The following LHFPL3 variants were observed in gnomAD, a reference collection of about 807,000 sequenced individuals.
The protein encoded by LHFPL3 is LHFPL tetraspan subfamily member 3 protein.
In LHFPL3, 5 loss-of-function variants were observed where a neutral mutation model predicts 19.3. The observed-to-expected ratio is 0.26, with a 90% CI of 0.14 to 0.54. The LOEUF is 0.54. Ranked by LOEUF, LHFPL3 falls within the 20% of genes least tolerant of loss-of-function variation. LHFPL3 has a pLI of 0.94. For synonymous variants in LHFPL3, 133 were observed against 126.2 expected, an observed-to-expected ratio of 1.05 and a Z score of -0.36; for missense variants, 249 against 307.4, an observed-to-expected ratio of 0.81 and a Z score of 1.42.
At chr7:104,438,467 A>C (rs1792154940) in intron 1 of LHFPL3, among the ~76,000 whole-genome samples, 1 of 152,244 alleles carries the variant, frequency 6.6e-6, no homozygotes, top group Non-Finnish European at 1.5e-5. Flanking sequence ...GAGACTTACA[A>C]AAATAATTCT....
chr7:104,633,436 G>T (rs148779828), intron 1 of LHFPL3, among the ~76,000 whole-genome samples: 1 of 152,282 alleles, frequency 6.6e-6, no homozygotes, highest in African/African-American at 2.4e-5. Context: ...GATTAAACAA[G>T]TCTACCTGGG....
chr7:104,674,897 T>C (rs905328127), intron 1 of LHFPL3, among the ~76,000 whole-genome samples: 7 of 152,162 alleles, frequency 4.6e-5, no homozygotes, highest in Non-Finnish European at 8.8e-5. Context: ...GAGCAAAAGA[T>C]ATAGAAGATC....
At chr7:104,538,134 G>A (rs1794422169) in intron 1 of LHFPL3, among the ~76,000 whole-genome samples, 1 of 152,192 alleles carries the variant, frequency 6.6e-6, no homozygotes, top group Non-Finnish European at 1.5e-5. Flanking sequence ...AAGCCTTGAA[G>A]TTCTCAATCC....
intron 1 of LHFPL3, among the ~76,000 whole-genome samples, chr7:104,332,040 T>G (rs1469227520): frequency 1.3e-5 from 2 of 152,090 alleles, no homozygotes; most frequent in Non-Finnish European, 2.9e-5. Context: ...TACCAGTACC[T>G]AGGCTAATCT....
intron 1 of LHFPL3, among the ~76,000 whole-genome samples, chr7:104,554,310 T>C (rs987402664): frequency 6.6e-6 from 1 of 152,130 alleles, no homozygotes; most frequent in African/African-American, 2.4e-5. Context: ...TTAATATTTA[T>C]TTTTCTTATG....
intron 1 of LHFPL3, among the ~76,000 whole-genome samples, chr7:104,536,972 T>C (rs1025070976): frequency 2.6e-5 from 4 of 152,238 alleles, no homozygotes; most frequent in Non-Finnish European, 5.9e-5. Flanking sequence ...GACTATTTAA[T>C]CTTCTACCTC....
chr7:104,422,548 T>C (rs940860836), intron 1 of LHFPL3, among the ~76,000 whole-genome samples: 1 of 152,226 alleles, frequency 6.6e-6, no homozygotes, highest in Admixed American at 6.5e-5. Flanking sequence ...TTATTTCAAC[T>C]AGCATTTATT....
chr7:104,681,850 T>C (rs1328113588), intron 1 of LHFPL3, among the ~76,000 whole-genome samples: 1 of 152,202 alleles, frequency 6.6e-6, no homozygotes, highest in African/African-American at 2.4e-5. Flanking sequence ...GGCCAGATCC[T>C]AGACAGGCAG....
At chr7:104,869,858 T>G (rs1383287986) in intron 2 of LHFPL3, among the ~76,000 whole-genome samples, 1 of 152,034 alleles carries the variant, frequency 6.6e-6, no homozygotes, top group Non-Finnish European at 1.5e-5. Context: ...CCAACAATGG[T>G]AGACTGGATT....
intron 1 of LHFPL3, among the ~76,000 whole-genome samples, chr7:104,594,745 GT>G (rs1486244574): frequency 6.6e-6 from 1 of 152,016 alleles, no homozygotes; most frequent in Non-Finnish European, 1.5e-5. Flanking sequence ...CCTTTTTCCT[GT>G]TTTTTCTCTA....
At chr7:104,609,556 GA>G (rs1183245919) in intron 1 of LHFPL3, among the ~76,000 whole-genome samples, 1 of 152,144 alleles carries the variant, frequency 6.6e-6, no homozygotes, top group Non-Finnish European at 1.5e-5. Flanking sequence ...CACCAGTAAT[GA>G]AAATGGTGCA....
At chr7:104,618,293 T>TTAACAATCAGCCACCTTA (rs1791385112) in intron 1 of LHFPL3, among the ~76,000 whole-genome samples, 3 of 152,220 alleles carry the variant, frequency 2.0e-5, no homozygotes, top group Admixed American at 2.0e-4. Context: ...AGTTGCTTGA[T>TTAACAATCAGCCACCTTA]TAACAATCAG....
chr7:104,601,692 A>G (rs536225643), intron 1 of LHFPL3, among the ~76,000 whole-genome samples: 15 of 152,258 alleles, frequency 9.9e-5, no homozygotes, highest in African/African-American at 3.6e-4. Context: ...TCTCCCTCAT[A>G]CAAAGACACC....
At chr7:104,821,371 G>A (rs1790673730) in intron 2 of LHFPL3, among the ~76,000 whole-genome samples, 2 of 152,252 alleles carry the variant, frequency 1.3e-5, no homozygotes, top group South Asian at 4.1e-4. Context: ...AGGAAGTGAA[G>A]AGTTCCGATT....
intron 2 of LHFPL3, among the ~76,000 whole-genome samples, chr7:104,845,859 C>T (rs1791303489): frequency 6.6e-6 from 1 of 152,198 alleles, no homozygotes; most frequent in Non-Finnish European, 1.5e-5. Context: ...GGGCCACCAC[C>T]CTTTGGTGGA....
chr7:104,386,954 T>G (rs1374978168), intron 1 of LHFPL3, among the ~76,000 whole-genome samples: 1 of 152,054 alleles, frequency 6.6e-6, no homozygotes, highest in African/African-American at 2.4e-5. Flanking sequence ...AACAAAAAAT[T>G]ACAAGACACA....
intron 1 of LHFPL3, among the ~76,000 whole-genome samples, chr7:104,582,526 C>T (rs948700943): frequency 6.6e-6 from 1 of 151,926 alleles, no homozygotes; most frequent in Non-Finnish European, 1.5e-5. Context: ...TAAGGGTAGA[C>T]ATTCTTTGTT....
chr7:104,612,265 TG>T (rs376175252), intron 1 of LHFPL3, among the ~76,000 whole-genome samples: 36 of 152,336 alleles, frequency 2.4e-4, no homozygotes, highest in African/African-American at 7.9e-4. Context: ...TCTGAGTCTC[TG>T]TTTTCATATT....
At chr7:104,816,447 A>G (rs1054399556) in intron 2 of LHFPL3, among the ~76,000 whole-genome samples, 17 of 152,210 alleles carry the variant, frequency 1.1e-4, no homozygotes, top group African/African-American at 4.1e-4. Flanking sequence ...GATAGTTTAT[A>G]CAAAGCATAA....
Sources: allele counts gnomAD v4.1 joint callset (sites outside exome capture counted in the v4.1 genomes callset), GRCh38; gene constraint gnomAD v4.1.1; transcripts MANE v1.5; gene names NCBI Gene and HGNC (gene_info 2026-07-23, HGNC 2026-07-21).